NKAIN2: variants seen among roughly 807,000 people sequenced by gnomAD.
The protein encoded by NKAIN2 is sodium/potassium-transporting ATPase subunit beta-1-interacting protein 2.
A neutral mutation model predicts 32.6 loss-of-function variants in NKAIN2; 14 were observed. The observed-to-expected ratio is 0.43, with a 90% CI of 0.28 to 0.67. The LOEUF is 0.67. NKAIN2 is among the 30% of genes least tolerant of loss of function. NKAIN2 has a pLI of 0.17. For missense variants in NKAIN2, 198 were observed against 258.3 expected, an observed-to-expected ratio of 0.77 and a Z score of 1.60; for synonymous variants, 80 against 87.2, an observed-to-expected ratio of 0.92 and a Z score of 0.46.
chr6:124,348,530 G>T (rs1020667583), intron 2 of NKAIN2, among the ~76,000 whole-genome samples: 3 of 152,220 alleles, frequency 2.0e-5, no homozygotes, highest in Admixed American at 1.3e-4. Flanking sequence ...AATCAAGCCT[G>T]GGCAATGGCG....
chr6:123,916,269 T>C (rs896728115), intron 1 of NKAIN2, among the ~76,000 whole-genome samples: 7 of 152,118 alleles, frequency 4.6e-5, no homozygotes, highest in Non-Finnish European at 1.0e-4. Context: ...ATTTTATTGA[T>C]TGAGACAGAG....
intron 4 of NKAIN2, among the ~76,000 whole-genome samples, chr6:124,737,350 T>C (rs1776999800): frequency 6.6e-6 from 1 of 151,790 alleles, no homozygotes; most frequent in East Asian, 1.9e-4. Flanking sequence ...GCTTGGCACT[T>C]CTCCTTGCTG....
intron 1 of NKAIN2, among the ~76,000 whole-genome samples, chr6:124,168,466 A>G (rs1788683621): frequency 6.6e-6 from 1 of 152,202 alleles, no homozygotes; most frequent in Non-Finnish European, 1.5e-5. Flanking sequence ...TTGAAATATT[A>G]AAATGACAGT....
intron 1 of NKAIN2, among the ~76,000 whole-genome samples, chr6:124,078,443 G>A (rs1260798779): frequency 1.3e-5 from 2 of 152,124 alleles, no homozygotes; most frequent in East Asian, 3.9e-4. Context: ...AACCCTTTGA[G>A]ATGGATGCTA....
chr6:124,194,868 G>A (rs1350646211), intron 1 of NKAIN2, among the ~76,000 whole-genome samples: 1 of 152,008 alleles, frequency 6.6e-6, no homozygotes, highest in Non-Finnish European at 1.5e-5. Context: ...TAAAAGGCAA[G>A]AATTCTTGGA....
At chr6:124,501,620 A>T (rs957898413) in intron 3 of NKAIN2, among the ~76,000 whole-genome samples, 3 of 152,164 alleles carry the variant, frequency 2.0e-5, no homozygotes, top group African/African-American at 7.2e-5. Context: ...TTTAAGATGC[A>T]AATCAGATGA....
chr6:124,354,784 A>G (rs116593836), intron 2 of NKAIN2, among the ~76,000 whole-genome samples: 2,798 of 151,634 alleles, frequency 0.018, 86 homozygotes, highest in African/African-American at 0.064. Context: ...TTTGTCTTAA[A>G]ACCTAAAAAT....
At chr6:124,641,556 T>TC in intron 3 of NKAIN2, among the ~76,000 whole-genome samples, 1 of 113,314 alleles carries the variant, frequency 8.8e-6, no homozygotes, top group Admixed American at 8.8e-5. Flanking sequence ...TTTTTTTTTT[T>TC]TTTTTTTTTT....
intron 1 of NKAIN2, among the ~76,000 whole-genome samples, chr6:123,848,042 CT>C (rs772414480): frequency 4.4e-4 from 67 of 152,166 alleles, no homozygotes; most frequent in Non-Finnish European, 8.8e-4. Context: ...AGGAGATATT[CT>C]TTATCGAAAA....
chr6:123,868,023 C>T lies in NKAIN2; in HGVS notation c.54+63769C>T, dbSNP rs1284305953. On this transcript the variant is annotated intron_variant, in intron 1 of 6. Transcript: ENST00000368417. ...AGCTGGGACTACAGGCGCACACCAC[C>T]ACACCCGGCTAATTTTTTGTATTTT... Among the ~76,000 whole-genome samples, 11 of 152,212 alleles carry T rather than the reference C, an allele frequency of 7.2e-5. No homozygotes were observed. The South Asian group carries it at 1.5e-3, about 20-fold the overall frequency.
At chr6:124,186,991 A>T (rs1420361894) in intron 1 of NKAIN2, among the ~76,000 whole-genome samples, 1 of 152,050 alleles carries the variant, frequency 6.6e-6, no homozygotes, top group Non-Finnish European at 1.5e-5. Context: ...TTTTACTTAA[A>T]CTGAACTCTA....
intron 4 of NKAIN2, among the ~76,000 whole-genome samples, chr6:124,705,286 AAAAT>A (rs1474230199): frequency 6.6e-6 from 1 of 152,128 alleles, no homozygotes; most frequent in East Asian, 1.9e-4. Flanking sequence ...AGGCCTGTGA[AAAAT>A]AAACAGAATA....
chr6:124,139,315 C>T (rs1225818828), intron 1 of NKAIN2, among the ~76,000 whole-genome samples: 2 of 150,684 alleles, frequency 1.3e-5, no homozygotes, highest in South Asian at 2.1e-4. Context: ...GTCTCGATCT[C>T]CTGACCTCAT....
rs144916404 is a variant in NKAIN2 at position 123,804,682 on chromosome 6, TG to T, written c.54+429del. Among the ~76,000 whole-genome samples, 1,443 of 152,288 alleles carry T rather than the reference TG, an allele frequency of 9.5e-3. 12 individuals carry two copies. Among genetic ancestry groups the T allele is most frequent in the Non-Finnish European group, 0.014 (983 of 68,022 alleles). ...CAGTATCTTTGTTTCTTCATAGACA[TG>T]TTTTTTTTCTTTTTTTAAGGAAAAT... is the stretch of plus-strand genomic sequence containing the variant. On this transcript the variant is annotated intron_variant, in intron 1 of 6. Coordinates refer to ENST00000368417, the MANE Select transcript of NKAIN2 (RefSeq NM_001040214.3).
intron 2 of NKAIN2, among the ~76,000 whole-genome samples, chr6:124,301,897 T>C (rs531690934): frequency 6.6e-6 from 1 of 152,232 alleles, no homozygotes; most frequent in South Asian, 2.1e-4. Context: ...GACTTTTGAG[T>C]TAATGCTGAA....
At chr6:124,076,888 T>G (rs536609318) in intron 1 of NKAIN2, among the ~76,000 whole-genome samples, 4 of 152,310 alleles carry the variant, frequency 2.6e-5, no homozygotes, top group Non-Finnish European at 5.9e-5. Flanking sequence ...CCTGGTTTTC[T>G]CCATTGTAAA....
chr6:124,320,910 A>G (rs1217967018), intron 2 of NKAIN2, among the ~76,000 whole-genome samples: 1 of 152,302 alleles, frequency 6.6e-6, no homozygotes, highest in Non-Finnish European at 1.5e-5. Flanking sequence ...TGAGGACATT[A>G]AAGGAAGCTT....
chr6:124,714,928 T>A (rs1304100887), intron 4 of NKAIN2, among the ~76,000 whole-genome samples: 1 of 152,152 alleles, frequency 6.6e-6, no homozygotes, highest in Non-Finnish European at 1.5e-5. Context: ...AGCCCAGTGA[T>A]GGCAGTAGGC....
At chr6:124,557,643 A>T (rs1780526148) in intron 3 of NKAIN2, among the ~76,000 whole-genome samples, 1 of 152,222 alleles carries the variant, frequency 6.6e-6, no homozygotes, top group South Asian at 2.1e-4. Flanking sequence ...AATTCTGTTT[A>T]ATCTGAGTTT....
Sources: allele counts gnomAD v4.1 joint callset (sites outside exome capture counted in the v4.1 genomes callset), GRCh38; gene constraint gnomAD v4.1.1; transcripts MANE v1.5; gene names NCBI Gene and HGNC (gene_info 2026-07-23, HGNC 2026-07-21).